RNF24: variants seen among roughly 807,000 people sequenced by gnomAD.
The protein encoded by RNF24 is ring finger protein 24.
A neutral mutation model predicts 20.0 loss-of-function variants in RNF24; 14 were observed. That is an observed-to-expected ratio of 0.70 (90% CI 0.46 to 1.10). The LOEUF (loss-of-function observed/expected upper bound fraction) is 1.10, where lower values mean the gene tolerates loss of function less well. Among genes scored for constraint, RNF24 ranks in the 50% least tolerant of loss-of-function variants. The probability of loss-of-function intolerance (pLI) is 0.00; values close to 1 mark genes in which losing one functional copy is unlikely to be tolerated. For synonymous variants in RNF24, 45 were observed against 61.1 expected (o/e 0.74, Z 1.23); for missense variants, 124 against 177.6 (o/e 0.70, Z 1.71).
intron 2 of RNF24, among the ~76,000 whole-genome samples, chr20:3,953,716 G>C (rs241647): frequency 1.3e-5 from 2 of 149,404 alleles, no homozygotes; most frequent in Non-Finnish European, 3.0e-5. Context: ...TCTCTTTTTC[G>C]TATTAGATAT....
Position 3,927,338 on chromosome 20 carries a change from G to A in RNF24, c.*6725C>T, listed in dbSNP as rs1001384435. On this transcript the variant is annotated 3_prime_UTR_variant, in exon 6 of 6. Transcript: ENST00000358395. ...TTTCAAAATTTGCTTTTATTTACACGTTTGAGTCAATTACATGCATGTTTT... is the reference window on the plus strand; with the variant it reads ...TTTCAAAATTTGCTTTTATTTACACATTTGAGTCAATTACATGCATGTTTT... The A allele has an allele frequency of 1.3e-5, 2 of 152,064 alleles. No individual in the cohort carries two copies. The highest frequency in any genetic ancestry group is 2.9e-5 in the Non-Finnish European group (2 of 68,004). The allele number at this position is 152,064 out of a possible 1,614,324, so 9.4% of individuals were successfully genotyped here.
At chr20:4,003,451 C>T (rs1981581205) in intron 1 of RNF24, among the ~76,000 whole-genome samples, 1 of 152,124 alleles carries the variant, frequency 6.6e-6, no homozygotes, top group Non-Finnish European at 1.5e-5. Context: ...GTAAACAGAA[C>T]AGAAAATCAA....
chr20:3,945,043 C>T, intron 4 of RNF24, 134 bp downstream of exon 4: 3 of 1,168,154 alleles, frequency 2.6e-6, no homozygotes, highest in African/African-American at 1.6e-5. Flanking sequence ...TGACCTCACC[C>T]TGAAATATTC....
chr20:3,944,531 G>A (rs2090994619), intron 4 of RNF24, among the ~76,000 whole-genome samples: 1 of 152,144 alleles, frequency 6.6e-6, no homozygotes, highest in South Asian at 2.1e-4. Context: ...CCCAGAAAGG[G>A]AGAAGGAAAG....
Position 3,933,129 on chromosome 20 carries a change from G to A in RNF24, c.*934C>T, listed in dbSNP as rs2090845859. 1 of 388,008 alleles carries A rather than the reference G, an allele frequency of 2.6e-6. No individual in the cohort carries two copies. The highest frequency in any genetic ancestry group is 1.3e-4 in the South Asian group (1 of 7,438). The allele number at this position is 388,008 out of a possible 1,614,324, so 24.0% of individuals were successfully genotyped here. A position where few individuals can be genotyped will look rare whatever the true frequency, so the allele number is the denominator to read the frequency against. On this transcript the variant is annotated 3_prime_UTR_variant, in exon 6 of 6. Coordinates refer to ENST00000358395, the MANE Select transcript of RNF24 (RefSeq NM_001134337.3). The stretch of plus-strand genomic sequence containing the variant: ...GATAGGGCAAGAGAGAGAAGAGATG[G>A]AAGGAGGGGGAGAGGCCAAAGGGTC...
At chr20:3,951,420 GAC>G (rs1341975200) in intron 2 of RNF24, among the ~76,000 whole-genome samples, 6 of 152,106 alleles carry the variant, frequency 3.9e-5, no homozygotes, top group Non-Finnish European at 7.4e-5. Context: ...TCTTGAGGGA[GAC>G]ACGCTGAAAT....
intron 4 of RNF24, among the ~76,000 whole-genome samples, chr20:3,944,829 A>C (rs978762034): frequency 2.0e-5 from 3 of 152,194 alleles, no homozygotes; most frequent in Non-Finnish European, 4.4e-5. Flanking sequence ...ACCATTGGTA[A>C]GAAAGAAATA....
At chr20:3,938,700 G>A (rs910172657) in intron 4 of RNF24, among the ~76,000 whole-genome samples, 1 of 152,070 alleles carries the variant, frequency 6.6e-6, no homozygotes, top group Non-Finnish European at 1.5e-5. Context: ...GTCCCTGTGG[G>A]TTGCCTTCAC....
chr20:3,930,743 T>G lies in RNF24; in HGVS notation c.*3320A>C, dbSNP rs2090811410. 1 of 152,258 alleles carries G rather than the reference T, an allele frequency of 6.6e-6. No individual in the cohort carries two copies. The highest frequency in any genetic ancestry group is 1.5e-5 in the Non-Finnish European group (1 of 68,098). The allele number at this position is 152,258 out of a possible 1,614,324, so 9.4% of individuals were successfully genotyped here. A position where few individuals can be genotyped will look rare whatever the true frequency, so the allele number is the denominator to read the frequency against. ...TCAGGCCAGGGAGATGACATGATTT[T>G]GAAGTGGGGTTGTGAAAAAGGACAA... is the stretch of plus-strand genomic sequence containing the variant. On this transcript the variant is annotated 3_prime_UTR_variant, in exon 6 of 6. Coordinates refer to ENST00000358395, the MANE Select transcript of RNF24 (RefSeq NM_001134337.3).
rs1320874323 is a variant in RNF24, at chr20:3,944,008, A to G, written c.228+1169T>C. Among the ~76,000 whole-genome samples the G allele has an allele frequency of 2.6e-5, 4 of 152,086 alleles. No homozygotes were observed. The South Asian group carries it at 6.2e-4, about 24-fold the overall frequency. ...GTGGATTACGTGAGGTCAGGAGTTC[A>G]AGACCAGCCTGGCCAACATGGTGAA... On this transcript the variant is annotated intron_variant, in intron 4 of 5. Transcript: ENST00000358395.
At chr20:3,985,041 AACAACAACAACC>A (rs1354385034) in intron 1 of RNF24, among the ~76,000 whole-genome samples, 2 of 144,778 alleles carry the variant, frequency 1.4e-5, no homozygotes, top group African/African-American at 2.7e-5. Context: ...TGGGCGGGGG[AACAACAACAACC>A]ACAACAACAA....
chr20:3,966,976 A>G (rs1469184201), intron 1 of RNF24, among the ~76,000 whole-genome samples: 1 of 152,194 alleles, frequency 6.6e-6, no homozygotes, highest in Non-Finnish European at 1.5e-5. Flanking sequence ...AGGCTGGTAG[A>G]AGATATGTTG....
intron 1 of RNF24, among the ~76,000 whole-genome samples, chr20:4,014,879 C>A (rs778343349): frequency 2.6e-5 from 4 of 152,118 alleles, no homozygotes; most frequent in Non-Finnish European, 5.9e-5. Flanking sequence ...ATGAGTAAGC[C>A]GAGGGAAGAG....
chr20:4,006,526 A>G (rs1277704222), intron 1 of RNF24, among the ~76,000 whole-genome samples: 1 of 152,242 alleles, frequency 6.6e-6, no homozygotes, highest in African/African-American at 2.4e-5. Flanking sequence ...CAGGAACTTT[A>G]AAAGCAGGTA....
At chr20:3,982,718 C>G (rs1312994929) in intron 1 of RNF24, among the ~76,000 whole-genome samples, 1 of 152,084 alleles carries the variant, frequency 6.6e-6, no homozygotes, top group African/African-American at 2.4e-5. Flanking sequence ...GAGACCCTGT[C>G]TCTACAAAAT....
At chr20:3,973,128 G>A (rs1049446238) in intron 1 of RNF24, among the ~76,000 whole-genome samples, 4 of 151,692 alleles carry the variant, frequency 2.6e-5, no homozygotes, top group South Asian at 2.1e-4. Flanking sequence ...GACTGAACCC[G>A]GGAGGTGGAG....
chr20:4,005,816 C>T (rs6107392), intron 1 of RNF24, among the ~76,000 whole-genome samples: 2,080 of 151,702 alleles, frequency 0.014, 55 homozygotes, highest in African/African-American at 0.048. Context: ...AAAATTAAGG[C>T]AACATAAAGC....
intron 1 of RNF24, among the ~76,000 whole-genome samples, chr20:3,990,369 A>G (rs1404995394): frequency 6.6e-6 from 1 of 152,150 alleles, no homozygotes; most frequent in Non-Finnish European, 1.5e-5. Context: ...TTATACATGC[A>G]CTTACCTATT....
At chr20:3,955,267 G>A (rs1299446845) in intron 2 of RNF24, among the ~76,000 whole-genome samples, 2 of 152,108 alleles carry the variant, frequency 1.3e-5, no homozygotes, top group Non-Finnish European at 2.9e-5. Flanking sequence ...TTATCAGATA[G>A]GACTTGTAAA....
Sources: allele counts gnomAD v4.1 joint callset (sites outside exome capture counted in the v4.1 genomes callset), GRCh38; gene constraint gnomAD v4.1.1; transcripts MANE v1.5; gene names NCBI Gene and HGNC (gene_info 2026-07-23, HGNC 2026-07-21).